Variants in CTNND2 observed in about 807,000 individuals in gnomAD.
The protein encoded by CTNND2 is catenin delta-2.
In CTNND2, 22 loss-of-function variants were observed where a neutral mutation model predicts 144.4. The observed-to-expected ratio is 0.15, with a 90% CI of 0.11 to 0.22. The LOEUF is 0.22. Ranked by LOEUF, CTNND2 falls within the 10% of genes least tolerant of loss-of-function variation. The pLI is 1.00. For missense variants in CTNND2, 1,353 were observed against 1,618.8 expected, an observed-to-expected ratio of 0.84 and a Z score of 2.82; for synonymous variants, 751 against 695.6, an observed-to-expected ratio of 1.08 and a Z score of -1.25.
At chr5:11,179,747 GATATT>G (rs1262044266) in intron 11 of CTNND2, among the ~76,000 whole-genome samples, 3 of 152,122 alleles carry the variant, frequency 2.0e-5, no homozygotes, top group African/African-American at 7.2e-5. Context: ...GATAACCCTG[GATATT>G]ATATAATATT....
chr5:11,626,975 T>C (rs1781188604), intron 2 of CTNND2, among the ~76,000 whole-genome samples: 1 of 152,170 alleles, frequency 6.6e-6, no homozygotes, highest in Admixed American at 6.5e-5. Flanking sequence ...CCTTATTTCA[T>C]CTATTTTCGC....
intron 3 of CTNND2, among the ~76,000 whole-genome samples, chr5:11,441,099 A>G (rs1305162806): frequency 1.3e-5 from 2 of 152,168 alleles, no homozygotes; most frequent in Middle Eastern, 3.2e-3. Context: ...TTAAAGAATG[A>G]TAGTTTTGAT....
At chr5:11,043,030 G>A (rs543268581) in intron 16 of CTNND2, among the ~76,000 whole-genome samples, 2 of 151,660 alleles carry the variant, frequency 1.3e-5, no homozygotes, top group South Asian at 2.1e-4. Flanking sequence ...TCTTCACTTC[G>A]AGATTGGTCT....
chr5:11,726,661 C>G (rs4291011), intron 2 of CTNND2, among the ~76,000 whole-genome samples: 1 of 151,898 alleles, frequency 6.6e-6, no homozygotes, highest in African/African-American at 2.4e-5. Flanking sequence ...ATGACAGAAG[C>G]GTTAGAAGCA....
intron 21 of CTNND2, among the ~76,000 whole-genome samples, chr5:10,976,473 G>A (rs868236123): frequency 3.3e-5 from 5 of 152,180 alleles, no homozygotes; most frequent in Admixed American, 1.3e-4. Context: ...TGTCTGTTAC[G>A]GTCTAGAGAA....
At chr5:11,590,321 G>A (rs550692915) in intron 2 of CTNND2, among the ~76,000 whole-genome samples, 1 of 152,100 alleles carries the variant, frequency 6.6e-6, no homozygotes, top group African/African-American at 2.4e-5. Flanking sequence ...GGGATTACAG[G>A]TGTGAGCCAC....
intron 10 of CTNND2, among the ~76,000 whole-genome samples, chr5:11,217,499 T>C (rs1739319646): frequency 6.6e-6 from 1 of 152,214 alleles, no homozygotes; most frequent in Non-Finnish European, 1.5e-5. Flanking sequence ...TGGAAAAGAA[T>C]GAAGCATCAG....
intron 3 of CTNND2, among the ~76,000 whole-genome samples, chr5:11,484,573 C>T (rs1035233173): frequency 6.6e-6 from 1 of 152,186 alleles, no homozygotes; most frequent in East Asian, 1.9e-4. Flanking sequence ...CTGTGGGAAG[C>T]AGTCCATGCA....
chr5:11,614,325 G>A (rs890694839), intron 2 of CTNND2, among the ~76,000 whole-genome samples: 1 of 152,108 alleles, frequency 6.6e-6, no homozygotes, highest in Non-Finnish European at 1.5e-5. Context: ...CTGACTTGTG[G>A]TAAGTCTGAA....
intron 8 of CTNND2, among the ~76,000 whole-genome samples, chr5:11,361,097 C>T (rs1178554301): frequency 1.3e-5 from 2 of 152,082 alleles, no homozygotes; most frequent in African/African-American, 2.4e-5. Context: ...CCTGGCTCAG[C>T]GCAACCTCCA....
chr5:11,013,203 A>C (rs1210652435), intron 18 of CTNND2, among the ~76,000 whole-genome samples: 1 of 152,226 alleles, frequency 6.6e-6, no homozygotes. Context: ...ACATTAGATC[A>C]TACCCTTTTG....
chr5:11,427,595 A>G (rs1762896233), intron 3 of CTNND2, among the ~76,000 whole-genome samples: 1 of 152,068 alleles, frequency 6.6e-6, no homozygotes, highest in African/African-American at 2.4e-5. Flanking sequence ...CTGCTTTTTG[A>G]ACAACAGATC....
intron 11 of CTNND2, among the ~76,000 whole-genome samples, chr5:11,188,321 G>A (rs1393929532): frequency 6.6e-6 from 1 of 152,168 alleles, no homozygotes; most frequent in Non-Finnish European, 1.5e-5. Flanking sequence ...GATGGAGCTG[G>A]AAGCCACTAT....
At chr5:11,770,559 T>G (rs1030039919) in intron 1 of CTNND2, among the ~76,000 whole-genome samples, 8 of 152,120 alleles carry the variant, frequency 5.3e-5, no homozygotes, top group African/African-American at 1.9e-4. Flanking sequence ...AACCTACTCA[T>G]GCCTGCACAG....
chr5:11,581,943 T>C (rs138771327), intron 2 of CTNND2, among the ~76,000 whole-genome samples: 98 of 152,330 alleles, frequency 6.4e-4, no homozygotes, highest in Middle Eastern at 3.4e-3. Context: ...TCACAAATGT[T>C]AGTACAGTAG....
At chr5:11,617,581 G>A (rs1250220801) in intron 2 of CTNND2, among the ~76,000 whole-genome samples, 1 of 152,186 alleles carries the variant, frequency 6.6e-6, no homozygotes, top group Admixed American at 6.5e-5. Context: ...TGTTAGGTCA[G>A]AAGCACATTC....
At chr5:11,234,564 C>T (rs1414102160) in intron 10 of CTNND2, among the ~76,000 whole-genome samples, 4 of 152,194 alleles carry the variant, frequency 2.6e-5, no homozygotes, top group African/African-American at 9.6e-5. Context: ...CCTGTGTTCA[C>T]CACAGTGCAC....
chr5:11,234,780 C>T (rs1741436349), intron 10 of CTNND2, among the ~76,000 whole-genome samples: 1 of 152,200 alleles, frequency 6.6e-6, no homozygotes, highest in African/African-American at 2.4e-5. Flanking sequence ...CTGACTCTAT[C>T]TCTTGATGTT....
At chr5:11,589,176 A>G (rs1027099132) in intron 2 of CTNND2, among the ~76,000 whole-genome samples, 2 of 152,042 alleles carry the variant, frequency 1.3e-5, no homozygotes, top group Non-Finnish European at 2.9e-5. Flanking sequence ...ATTTCATCAC[A>G]AAAGGACCCT....
Sources: gnomAD v4.1 joint callset for allele counts (sites outside exome capture counted in the v4.1 genomes callset) on GRCh38, gnomAD v4.1.1 for gene constraint, MANE v1.5 for transcripts, NCBI Gene and HGNC (gene_info 2026-07-23, HGNC 2026-07-21) for gene names.